The following PTPRG variants were observed in gnomAD, a reference collection of about 807,000 sequenced individuals.
PTPRG encodes the protein protein tyrosine phosphatase receptor type G.
Under a neutral mutation model 165.3 loss-of-function variants are expected in PTPRG, and 102 were observed. The ratio of observed to expected loss-of-function variants is 0.62; its 90% confidence interval spans 0.53 to 0.73. The LOEUF is 0.73. Among genes scored for constraint, PTPRG ranks in the 30% least tolerant of loss-of-function variants. PTPRG has a pLI of 0.00. For synonymous variants in PTPRG, 675 were observed against 669.5 expected (o/e 1.01, Z -0.13); for missense variants, 1,866 against 1,861.4 (o/e 1.00, Z -0.05).
At chr3:62,192,847 G>A (rs7631948) in intron 9 of PTPRG, among the ~76,000 whole-genome samples, 11,595 of 152,248 alleles carry the variant, frequency 0.076, 1,407 homozygotes, top group African/African-American at 0.26. Context: ...GAAAAATGCA[G>A]TAGCACCAAG....
rs1385114271 is a variant in PTPRG at position 62,163,861 on chromosome 3, G to T, written c.841-4110G>T. Among the ~76,000 whole-genome samples, 8 of 152,180 alleles carry T rather than the reference G, an allele frequency of 5.3e-5. 1 individual carries two copies. Among genetic ancestry groups the T allele is most frequent in the Non-Finnish European group, 7.3e-5 (5 of 68,036 alleles). On this transcript the variant is annotated intron_variant, in intron 7 of 29. Coordinates refer to ENST00000474889, the MANE Select transcript of PTPRG (RefSeq NM_002841.4). ...AGAAAGATTAAATAATTTGACCAAG[G>T]TCACACATTTAGCAAGTAGGGTTTA...
chr3:61,863,402 T>C (rs758614579), intron 2 of PTPRG, among the ~76,000 whole-genome samples: 1 of 152,178 alleles, frequency 6.6e-6, no homozygotes. Flanking sequence ...ATTTTCATAG[T>C]ATTAGATAGG....
intron 1 of PTPRG, among the ~76,000 whole-genome samples, chr3:61,598,236 C>CTGGCT: frequency 6.6e-6 from 1 of 152,190 alleles, no homozygotes; most frequent in South Asian, 2.1e-4. Flanking sequence ...TTAAGCAGCT[C>CTGGCT]ACTGTCTGGC....
chr3:61,936,394 G>A lies in PTPRG; in HGVS notation c.191-53231G>A, dbSNP rs553650188. Among the ~76,000 whole-genome samples the A allele has an allele frequency of 8.5e-5, 13 of 152,350 alleles. No individual in the cohort carries two copies. In the East Asian group the frequency reaches 2.5e-3, roughly 29 times the overall value. ...TTGAATCCAGAACTCATGCTCTTGAGTAATCATTAAGCTCTACTGTATTTA... is the reference window on the plus strand; with the variant it reads ...TTGAATCCAGAACTCATGCTCTTGAATAATCATTAAGCTCTACTGTATTTA... On this transcript the variant is annotated intron_variant, in intron 2 of 29. Coordinates refer to ENST00000474889, the MANE Select transcript of PTPRG (RefSeq NM_002841.4).
chr3:61,964,395 A>C (rs1199755492), intron 2 of PTPRG, among the ~76,000 whole-genome samples: 1 of 152,180 alleles, frequency 6.6e-6, no homozygotes, highest in African/African-American at 2.4e-5. Flanking sequence ...GGACTTTCTC[A>C]GATGGTTCTC....
chr3:61,764,003 T>A (rs1437627947), intron 2 of PTPRG, among the ~76,000 whole-genome samples: 1 of 152,182 alleles, frequency 6.6e-6, no homozygotes, highest in Non-Finnish European at 1.5e-5. Context: ...ATTGCACAGA[T>A]ATGAAACATT....
chr3:61,972,349 T>C (rs809764), intron 2 of PTPRG, among the ~76,000 whole-genome samples: 2 of 151,962 alleles, frequency 1.3e-5, no homozygotes, highest in African/African-American at 4.8e-5. Context: ...TAGGGCCTTA[T>C]AGATGATTTT....
At chr3:61,872,110 A>T (rs955381949) in intron 2 of PTPRG, among the ~76,000 whole-genome samples, 2 of 152,228 alleles carry the variant, frequency 1.3e-5, no homozygotes, top group African/African-American at 4.8e-5. Context: ...ATGTCTTGTT[A>T]TGGAAAGGAT....
chr3:62,208,974 G>C (rs905351611), intron 12 of PTPRG, among the ~76,000 whole-genome samples: 4 of 152,208 alleles, frequency 2.6e-5, no homozygotes, highest in African/African-American at 9.6e-5. Context: ...TGGCAAGACA[G>C]AGCCCAAATA....
At chr3:61,959,161 A>G (rs977297458) in intron 2 of PTPRG, among the ~76,000 whole-genome samples, 1 of 152,194 alleles carries the variant, frequency 6.6e-6, no homozygotes, top group African/African-American at 2.4e-5. Flanking sequence ...CTAAGGCCTC[A>G]ATATGACTAG....
chr3:61,829,414 G>C (rs1368474281), intron 2 of PTPRG, among the ~76,000 whole-genome samples: 1 of 152,260 alleles, frequency 6.6e-6, no homozygotes, highest in East Asian at 1.9e-4. Context: ...CCTCTGTCGA[G>C]GCGGGTGCAG....
intron 29 of PTPRG, 138 bp from the exon 30 acceptor site, chr3:62,293,023 A>G: frequency 1.5e-6 from 1 of 674,342 alleles, no homozygotes; most frequent in Non-Finnish European, 2.3e-6. Context: ...TTTTTTTTTT[A>G]GTTTTTTTAG....
At chr3:62,057,512 A>G (rs946093946) in intron 4 of PTPRG, among the ~76,000 whole-genome samples, 8 of 152,196 alleles carry the variant, frequency 5.3e-5, no homozygotes, top group Non-Finnish European at 1.2e-4. Flanking sequence ...CAGTCAGTGC[A>G]TTTTCTCTTG....
chr3:61,842,242 T>C (rs2036659092), intron 2 of PTPRG, among the ~76,000 whole-genome samples: 1 of 152,168 alleles, frequency 6.6e-6, no homozygotes, highest in Non-Finnish European at 1.5e-5. Flanking sequence ...CATCCATCAC[T>C]CAGCAGCAAT....
intron 4 of PTPRG, among the ~76,000 whole-genome samples, chr3:62,019,358 C>G (rs1408159953): frequency 6.6e-6 from 1 of 151,944 alleles, no homozygotes; most frequent in Non-Finnish European, 1.5e-5. Flanking sequence ...CCCATCTCTA[C>G]CAAAAATACA....
chr3:61,676,576 T>C (rs1266790712), intron 1 of PTPRG, among the ~76,000 whole-genome samples: 1 of 151,852 alleles, frequency 6.6e-6, no homozygotes, highest in Non-Finnish European at 1.5e-5. Context: ...ACACACAATT[T>C]AGTGTATCAA....
intron 4 of PTPRG, among the ~76,000 whole-genome samples, chr3:62,026,782 A>T (rs896888564): frequency 2.0e-5 from 3 of 150,720 alleles, no homozygotes; most frequent in Admixed American, 2.0e-4. Context: ...GCTACTCAGG[A>T]GTCTGAGGCA....
chr3:62,113,634 A>G (rs1369304195), intron 5 of PTPRG, among the ~76,000 whole-genome samples: 1 of 152,200 alleles, frequency 6.6e-6, no homozygotes, highest in Admixed American at 6.5e-5. Flanking sequence ...AAGCAACATG[A>G]GGGACTATTA....
At chr3:61,882,320 C>G (rs1408186907) in intron 2 of PTPRG, among the ~76,000 whole-genome samples, 1 of 152,156 alleles carries the variant, frequency 6.6e-6, no homozygotes, top group Non-Finnish European at 1.5e-5. Flanking sequence ...TGCTAAAAGG[C>G]TAGGTTTGTT....
Sources: gnomAD v4.1 joint callset for allele counts (sites outside exome capture counted in the v4.1 genomes callset) on GRCh38, gnomAD v4.1.1 for gene constraint, MANE v1.5 for transcripts, NCBI Gene and HGNC (gene_info 2026-07-23, HGNC 2026-07-21) for gene names.